Variants in TMTC2 observed in about 807,000 individuals in gnomAD.
The protein encoded by TMTC2 is protein O-mannosyl-transferase TMTC2.
In TMTC2, 43 loss-of-function variants were observed where a neutral mutation model predicts 82.4. The ratio of observed to expected loss-of-function variants is 0.52; its 90% CI spans 0.41 to 0.67. The LOEUF is 0.67. TMTC2 is among the 30% of genes least tolerant of loss of function. TMTC2 has a pLI of 0.00. For missense variants in TMTC2, 919 were observed against 1,012.4 expected (o/e 0.91, Z 1.25); for synonymous variants, 408 against 381.9 (o/e 1.07, Z -0.80).
intron 1 of TMTC2, among the ~76,000 whole-genome samples, chr12:82,836,143 A>G (rs1010202217): frequency 4.6e-5 from 6 of 131,106 alleles, no homozygotes; most frequent in Non-Finnish European, 8.8e-5. Context: ...GGAGAATGGA[A>G]TAGCTTGTAT....
In TMTC2 at chr12:82,812,209, T is replaced by C. The variant is rs764360573; in HGVS notation, c.84-44801T>C. Among the ~76,000 whole-genome samples the C allele has an allele frequency of 3.3e-5, 5 of 152,140 alleles. No individual in the cohort carries two copies. The East Asian group carries it at 5.8e-4, about 18-fold the overall frequency. ...ACTACTTTTCACTTACTGATACTTA[T>C]TAGAAGTAAAATCAGTTATTGCAGT... On this transcript the variant is annotated intron_variant, in intron 1 of 11. Transcript: ENST00000321196.
chr12:82,943,137 G>A (rs1796163), intron 4 of TMTC2, among the ~76,000 whole-genome samples: 79 of 152,174 alleles, frequency 5.2e-4, no homozygotes, highest in Middle Eastern at 3.4e-3. Context: ...AAGAGATTTC[G>A]TTCATTATAT....
At chr12:82,895,750 A>T in intron 2 of TMTC2, 68 bp from the exon 3 acceptor site, 1 of 1,343,972 alleles carries the variant, frequency 7.4e-7, no homozygotes. Flanking sequence ...TTTTATCTCT[A>T]AGTGTTAAGT....
chr12:82,892,238 A>G (rs1508645), intron 2 of TMTC2, among the ~76,000 whole-genome samples: 26,353 of 152,146 alleles, frequency 0.17, 5,211 homozygotes, highest in African/African-American at 0.49. Flanking sequence ...TAAATGTGAA[A>G]TAATACATAA....
At chr12:82,778,801 A>C (rs1877732487) in intron 1 of TMTC2, among the ~76,000 whole-genome samples, 3 of 128,998 alleles carry the variant, frequency 2.3e-5, no homozygotes, top group Admixed American at 8.7e-5. Context: ...GTGAGCCGAG[A>C]TCCCGCCACT....
intron 1 of TMTC2, among the ~76,000 whole-genome samples, chr12:82,700,881 A>G (rs867355506): frequency 1.4e-4 from 21 of 152,308 alleles, no homozygotes; most frequent in Middle Eastern, 3.4e-3. Flanking sequence ...AGGCCTCACA[A>G]TCATGGCAGA....
intron 1 of TMTC2, among the ~76,000 whole-genome samples, chr12:82,830,233 A>C (rs1869674204): frequency 6.6e-6 from 1 of 152,162 alleles, no homozygotes; most frequent in Non-Finnish European, 1.5e-5. Flanking sequence ...CATTGTCTCA[A>C]ATTGAATTCT....
chr12:82,906,265 G>A (rs1363475908), intron 3 of TMTC2, among the ~76,000 whole-genome samples: 1 of 152,048 alleles, frequency 6.6e-6, no homozygotes, highest in Non-Finnish European at 1.5e-5. Flanking sequence ...GCTTTGAAAT[G>A]GTGTAACAAA....
At chr12:82,875,288 T>G (rs1555193324) in intron 2 of TMTC2, among the ~76,000 whole-genome samples, 1 of 152,196 alleles carries the variant, frequency 6.6e-6, no homozygotes, top group Non-Finnish European at 1.5e-5. Context: ...TTATGTTCAT[T>G]TTTACTTTTA....
chr12:82,963,305 G>A (rs71450915), intron 4 of TMTC2, among the ~76,000 whole-genome samples: 12,012 of 151,920 alleles, frequency 0.079, 643 homozygotes, highest in Non-Finnish European at 0.12. Context: ...AAAGAAAACC[G>A]TATGATAAAA....
intron 8 of TMTC2, among the ~76,000 whole-genome samples, chr12:83,008,618 C>T (rs1592690613): frequency 2.0e-5 from 3 of 152,084 alleles, no homozygotes; most frequent in Non-Finnish European, 4.4e-5. Flanking sequence ...TTTCATATTC[C>T]AACATGTAAG....
intron 1 of TMTC2, among the ~76,000 whole-genome samples, chr12:82,793,818 C>T (rs1878576805): frequency 6.6e-6 from 1 of 152,110 alleles, no homozygotes; most frequent in Admixed American, 6.5e-5. Context: ...CAATTCACTG[C>T]AGCGTGTAAA....
chr12:82,756,508 C>T (rs530847827), intron 1 of TMTC2, among the ~76,000 whole-genome samples: 26 of 152,296 alleles, frequency 1.7e-4, no homozygotes, highest in Non-Finnish European at 3.5e-4. Context: ...TTACTGCTTC[C>T]AGATTTGGTC....
At chr12:82,814,543 T>C (rs1327325393) in intron 1 of TMTC2, among the ~76,000 whole-genome samples, 2 of 152,130 alleles carry the variant, frequency 1.3e-5, no homozygotes, top group Non-Finnish European at 2.9e-5. Flanking sequence ...ATCTCCTGCC[T>C]TAAAATTGTT....
intron 4 of TMTC2, among the ~76,000 whole-genome samples, chr12:82,945,388 G>A (rs1612607): frequency 6.8e-4 from 103 of 152,170 alleles, no homozygotes; most frequent in Middle Eastern, 3.4e-3. Flanking sequence ...TTTTATTGTC[G>A]TTTTCATCCA....
chr12:82,951,827 G>A (rs1237711715), intron 4 of TMTC2, among the ~76,000 whole-genome samples: 1 of 151,998 alleles, frequency 6.6e-6, no homozygotes, highest in Admixed American at 6.6e-5. Context: ...TCCTCTATTA[G>A]TGCTTTTCTA....
intron 8 of TMTC2, among the ~76,000 whole-genome samples, chr12:83,015,776 C>T (rs1294743896): frequency 6.6e-6 from 1 of 152,186 alleles, no homozygotes; most frequent in Non-Finnish European, 1.5e-5. Flanking sequence ...GTGTGTGCTT[C>T]CACTAGCACA....
chr12:83,010,093 ACTGGGACCTGTCCATGGC>A (rs545993953), intron 8 of TMTC2, among the ~76,000 whole-genome samples: 57 of 152,278 alleles, frequency 3.7e-4, no homozygotes, highest in Middle Eastern at 3.4e-3. Flanking sequence ...CAGGCCATGA[ACTGGGACCTGTCCATGGC>A]CTGGGGGTTG....
chr12:83,076,604 G>T (rs1883289490), intron 11 of TMTC2, among the ~76,000 whole-genome samples: 1 of 152,150 alleles, frequency 6.6e-6, no homozygotes, highest in Admixed American at 6.5e-5. Flanking sequence ...CAACTTCAGA[G>T]GGCTATGCCC....
Sources: gnomAD v4.1 joint callset for allele counts (sites outside exome capture counted in the v4.1 genomes callset) on GRCh38, gnomAD v4.1.1 for gene constraint, MANE v1.5 for transcripts, NCBI Gene and HGNC (gene_info 2026-07-23, HGNC 2026-07-21) for gene names.